Variants in ATG5 observed in about 807,000 individuals in gnomAD.
ATG5 encodes autophagy related 5, also known as autophagy protein 5.
Under a neutral mutation model 36.5 loss-of-function variants are expected in ATG5, and 14 were observed. That is an observed-to-expected ratio of 0.38 (90% CI 0.25 to 0.60). The LOEUF is 0.60. Ranked by LOEUF, ATG5 falls within the 20% of genes least tolerant of loss-of-function variation. The probability of loss-of-function intolerance (pLI) is 0.60; values close to 1 mark genes in which losing one functional copy is unlikely to be tolerated. For synonymous variants in ATG5, 95 were observed against 101.5 expected, an observed-to-expected ratio of 0.94 and a Z score of 0.38; for missense variants, 195 against 326.7, an observed-to-expected ratio of 0.60 and a Z score of 3.11.
At chr6:106,288,160 A>T (rs1305668057) in intron 4 of ATG5, among the ~76,000 whole-genome samples, 1 of 151,920 alleles carries the variant, frequency 6.6e-6, no homozygotes, top group African/African-American at 2.4e-5. Flanking sequence ...TAGTAGAGAC[A>T]GGGTTTCACC....
intron 3 of ATG5, among the ~76,000 whole-genome samples, chr6:106,293,486 T>G (rs1291798839): frequency 6.6e-6 from 1 of 152,236 alleles, no homozygotes; most frequent in African/African-American, 2.4e-5. Flanking sequence ...AACTTAAAAT[T>G]TTAAAAAACT....
intron 4 of ATG5, among the ~76,000 whole-genome samples, chr6:106,283,115 G>C (rs566759658): frequency 3.9e-5 from 6 of 152,032 alleles, no homozygotes; most frequent in African/African-American, 1.4e-4. Flanking sequence ...TTTGAATGTT[G>C]AATCAATTTT....
At chr6:106,298,701 A>G (rs1770081992) in intron 3 of ATG5, among the ~76,000 whole-genome samples, 1 of 152,228 alleles carries the variant, frequency 6.6e-6, no homozygotes, top group South Asian at 2.1e-4. Context: ...GTCAAATTCC[A>G]TAATTAACAT....
chr6:106,252,325 G>A (rs1239497760), intron 5 of ATG5, among the ~76,000 whole-genome samples: 2 of 150,588 alleles, frequency 1.3e-5, no homozygotes, highest in African/African-American at 2.4e-5. Context: ...CTGAAGGACT[G>A]TTCTACAGAA....
At chr6:106,325,103 GTTA>G (rs1771238736) in intron 1 of ATG5, among the ~76,000 whole-genome samples, 1 of 152,214 alleles carries the variant, frequency 6.6e-6, no homozygotes. Flanking sequence ...ACTAAATATT[GTTA>G]TTGAGACAGG....
At chr6:106,217,218 G>A (rs1202804148) in intron 6 of ATG5, among the ~76,000 whole-genome samples, 1 of 152,014 alleles carries the variant, frequency 6.6e-6, no homozygotes, top group Non-Finnish European at 1.5e-5. Context: ...CTTAAAAATT[G>A]TATAGCATCA....
At chr6:106,198,172 G>A (rs1456773106) in intron 7 of ATG5, among the ~76,000 whole-genome samples, 1 of 152,138 alleles carries the variant, frequency 6.6e-6, no homozygotes, top group African/African-American at 2.4e-5. Flanking sequence ...CAGAAGTTAT[G>A]AGTTACTAAG....
intron 5 of ATG5, among the ~76,000 whole-genome samples, chr6:106,269,644 C>A (rs1396928321): frequency 6.6e-6 from 1 of 152,254 alleles, no homozygotes; most frequent in Non-Finnish European, 1.5e-5. Context: ...AGCCGCTGGC[C>A]CGGGTGCTAA....
intron 6 of ATG5, among the ~76,000 whole-genome samples, chr6:106,224,320 A>G (rs1777362463): frequency 6.6e-6 from 1 of 152,256 alleles, no homozygotes; most frequent in Non-Finnish European, 1.5e-5. Context: ...AAAATAGTTC[A>G]TCTAGAAGAT....
chr6:106,258,882 A>C (rs1582621458), intron 5 of ATG5, among the ~76,000 whole-genome samples: 3 of 152,360 alleles, frequency 2.0e-5, no homozygotes, highest in Non-Finnish European at 2.9e-5. Flanking sequence ...TGTAGTATTT[A>C]GAGATGACAG....
intron 3 of ATG5, among the ~76,000 whole-genome samples, chr6:106,294,539 T>A (rs1271639918): frequency 1.3e-5 from 2 of 151,974 alleles, no homozygotes; most frequent in African/African-American, 2.4e-5. Context: ...TAGGATGGGC[T>A]GGGTACTGTA....
intron 5 of ATG5, among the ~76,000 whole-genome samples, chr6:106,266,489 C>T (rs1395142323): frequency 6.7e-6 from 1 of 149,146 alleles, no homozygotes; most frequent in Non-Finnish European, 1.5e-5. Flanking sequence ...TCCTCCCTAA[C>T]TCATTTTATG....
intron 5 of ATG5, among the ~76,000 whole-genome samples, chr6:106,261,986 TG>T (rs1779037912): frequency 6.6e-6 from 1 of 152,198 alleles, no homozygotes; most frequent in African/African-American, 2.4e-5. Flanking sequence ...TGGGAAACCC[TG>T]CTCCACAGGA....
intron 6 of ATG5, among the ~76,000 whole-genome samples, chr6:106,220,802 T>C (rs1391563189): frequency 6.6e-6 from 1 of 152,036 alleles, no homozygotes; most frequent in African/African-American, 2.4e-5. Flanking sequence ...ACTATGGAAA[T>C]AGGTAAGTGA....
chr6:106,307,680 G>A (rs1770501095), intron 3 of ATG5, among the ~76,000 whole-genome samples: 1 of 151,940 alleles, frequency 6.6e-6, no homozygotes, highest in South Asian at 2.1e-4. Context: ...CGGATTACAG[G>A]CATGTGCCAC....
At chr6:106,303,550 G>A (rs553958000) in intron 3 of ATG5, among the ~76,000 whole-genome samples, 12 of 151,964 alleles carry the variant, frequency 7.9e-5, no homozygotes, top group African/African-American at 2.2e-4. Flanking sequence ...GAACACTTTC[G>A]AACTCAGTTT....
chr6:106,249,330 T>C (rs998798725), intron 5 of ATG5, among the ~76,000 whole-genome samples: 2 of 152,200 alleles, frequency 1.3e-5, no homozygotes, highest in African/African-American at 2.4e-5. Context: ...AGACATTTCA[T>C]ATAAATGAAG....
At chr6:106,211,094 A>G (rs1000031275) in intron 6 of ATG5, among the ~76,000 whole-genome samples, 1 of 152,230 alleles carries the variant, frequency 6.6e-6, no homozygotes, top group African/African-American at 2.4e-5. Context: ...GTTTATTAAA[A>G]ATGACCATTT....
chr6:106,237,890 G>A (rs979468798), intron 6 of ATG5, among the ~76,000 whole-genome samples: 1 of 152,168 alleles, frequency 6.6e-6, no homozygotes, highest in African/African-American at 2.4e-5. Context: ...GCACAGTACA[G>A]AGCCTTAGCT....
Sources: allele counts gnomAD v4.1 joint callset (sites outside exome capture counted in the v4.1 genomes callset), GRCh38; gene constraint gnomAD v4.1.1; transcripts MANE v1.5; gene names NCBI Gene and HGNC (gene_info 2026-07-23, HGNC 2026-07-21).